Variants in SLC38A12 observed in about 807,000 individuals in gnomAD.
SLC38A12 encodes the protein putative sodium-coupled neutral amino acid transporter 12.
the SLC38A12 span, among the ~76,000 whole-genome samples, chr17:74,802,364 C>A: frequency 1.3e-5 from 2 of 152,206 alleles, no homozygotes; most frequent in Non-Finnish European, 2.9e-5. Context: ...AGGTGCCAGA[C>A]TGGGGGACTC....
the SLC38A12 span, among the ~76,000 whole-genome samples, chr17:74,790,538 C>T: frequency 6.6e-6 from 1 of 152,132 alleles, no homozygotes; most frequent in East Asian, 1.9e-4. Flanking sequence ...ACCTGTGCAC[C>T]TCAGTTTCCC....
At chr17:74,778,888 G>A in the SLC38A12 span, among the ~76,000 whole-genome samples, 1 of 151,930 alleles carries the variant, frequency 6.6e-6, no homozygotes, top group Non-Finnish European at 1.5e-5. Context: ...TGCTGGTCTT[G>A]AACTCCTGAC....
the SLC38A12 span, among the ~76,000 whole-genome samples, chr17:74,805,470 G>T: frequency 1.3e-5 from 2 of 152,022 alleles, no homozygotes; most frequent in Non-Finnish European, 2.9e-5. This position sits in a 1 kb window ranked among gnomAD's most constrained non-coding sequence, Gnocchi z 5.0. Context: ...TCTAGACCCC[G>T]CAGCGTGCCA....
chr17:74,780,830 A>G, the SLC38A12 span, among the ~76,000 whole-genome samples: 1 of 152,250 alleles, frequency 6.6e-6, no homozygotes, highest in Non-Finnish European at 1.5e-5. Flanking sequence ...AAGCAAGACA[A>G]CTGCAATTAC....
chr17:74,834,421 C>T, the SLC38A12 span, among the ~76,000 whole-genome samples: 6 of 152,036 alleles, frequency 3.9e-5, no homozygotes, highest in African/African-American at 7.3e-5. Context: ...CCGGTTTCCA[C>T]GCTCCCCTCC....
At chr17:74,816,589 C>T in the SLC38A12 span, among the ~76,000 whole-genome samples, 1 of 152,234 alleles carries the variant, frequency 6.6e-6, no homozygotes, top group South Asian at 2.1e-4. Flanking sequence ...TCTGAACAGA[C>T]CCATTTGTAC....
chr17:74,785,721 C>T, the SLC38A12 span: 2 of 1,366,444 alleles, frequency 1.5e-6, no homozygotes, highest in African/African-American at 2.9e-5. Context: ...TACCCCGTAT[C>T]GAGCTCAGTG....
At chr17:74,837,397 G>A in the SLC38A12 span, 9 of 985,588 alleles carry the variant, frequency 9.1e-6, no homozygotes, top group Non-Finnish European at 1.1e-5. Flanking sequence ...CCGCCTGCCA[G>A]CTGGGCCTAA....
chr17:74,818,036 C>G, the SLC38A12 span, among the ~76,000 whole-genome samples: 1 of 152,180 alleles, frequency 6.6e-6, no homozygotes, highest in Non-Finnish European at 1.5e-5. Context: ...CCTCTTCATC[C>G]TTCAAAAGAG....
chr17:74,810,488 C>T, the SLC38A12 span, among the ~76,000 whole-genome samples: 1 of 152,324 alleles, frequency 6.6e-6, no homozygotes, highest in South Asian at 2.1e-4. Context: ...CAGAGAGGGA[C>T]GTGCACTGAG....
At chr17:74,836,769 T>C in the SLC38A12 span, 3 of 1,497,242 alleles carry the variant, frequency 2.0e-6, no homozygotes, top group Admixed American at 2.2e-5. This position sits in a 1 kb window ranked among gnomAD's most constrained non-coding sequence, Gnocchi z 4.2. Context: ...ATTTAGTTGC[T>C]CCCAGGTCTT....
At chr17:74,797,768 G>A in the SLC38A12 span, among the ~76,000 whole-genome samples, 2 of 152,158 alleles carry the variant, frequency 1.3e-5, no homozygotes, top group African/African-American at 4.8e-5. Context: ...AGGGGGGTTG[G>A]CAAAGATGTG....
At chr17:74,811,711 A>G in the SLC38A12 span, among the ~76,000 whole-genome samples, 1 of 151,594 alleles carries the variant, frequency 6.6e-6, no homozygotes, top group African/African-American at 2.4e-5. Context: ...GCAGAGTGAG[A>G]CTATCTCAAA....
chr17:74,803,965 T>C, the SLC38A12 span, among the ~76,000 whole-genome samples: 1 of 152,280 alleles, frequency 6.6e-6, no homozygotes, highest in African/African-American at 2.4e-5. Flanking sequence ...GTCTGTGGAA[T>C]CTAGCAACCT....
the SLC38A12 span, among the ~76,000 whole-genome samples, chr17:74,821,754 G>A: frequency 6.6e-6 from 1 of 152,196 alleles, no homozygotes; most frequent in Non-Finnish European, 1.5e-5. Flanking sequence ...CCTAAGTCTG[G>A]TGCTCCAGCT....
chr17:74,806,034 A>G, the SLC38A12 span, among the ~76,000 whole-genome samples: 2 of 152,154 alleles, frequency 1.3e-5, no homozygotes, highest in African/African-American at 2.4e-5. Flanking sequence ...GGGCACACAC[A>G]TCACCACCAA....
the SLC38A12 span, among the ~76,000 whole-genome samples, chr17:74,803,834 G>A: frequency 1.3e-5 from 2 of 152,176 alleles, no homozygotes; most frequent in African/African-American, 2.4e-5. Context: ...ACTAAAAATA[G>A]TTTTTATTAT....
the SLC38A12 span, chr17:74,795,043 C>A: frequency 1.2e-6 from 2 of 1,614,080 alleles, no homozygotes; most frequent in Non-Finnish European, 8.5e-7. Context: ...TCTGCATCAT[C>A]GTTTACCTGT....
At chr17:74,838,264 G>T in the SLC38A12 span, 1 of 985,716 alleles carries the variant, frequency 1.0e-6, no homozygotes, top group Non-Finnish European at 1.2e-6. Context: ...AAAAACAAAT[G>T]CCCCTTCTCC....
Sources: allele counts gnomAD v4.1 joint callset (sites outside exome capture counted in the v4.1 genomes callset), GRCh38; gene constraint gnomAD v4.1.1; non-coding constraint Gnocchi (gnomAD v3.1); transcripts MANE v1.5; gene names NCBI Gene and HGNC (gene_info 2026-07-23, HGNC 2026-07-21).